The following ATG4C variants were observed in gnomAD, a reference collection of about 807,000 sequenced individuals.
ATG4C encodes the protein cysteine protease ATG4C.
Under a neutral mutation model 57.6 loss-of-function variants are expected in ATG4C, and 56 were observed. That is an observed-to-expected ratio of 0.97 (90% CI 0.78 to 1.21). The LOEUF (loss-of-function observed/expected upper bound fraction) is 1.21, where lower values mean the gene tolerates loss of function less well. Ranked by LOEUF, ATG4C falls within the 50% of genes most tolerant of loss-of-function variation. ATG4C has a pLI of 0.00. For synonymous variants in ATG4C, 157 were observed against 174.1 expected (o/e 0.90, Z 0.78); for missense variants, 595 against 529.8 (o/e 1.12, Z -1.21).
At position 62,816,639 on chromosome 1, in the gene ATG4C, T is replaced by C. The variant is rs1665281929; in HGVS notation, c.225T>C (p.Asn75=). 1 of 1,613,654 alleles carries C rather than the reference T, an allele frequency of 6.2e-7. No homozygotes were observed. Among genetic ancestry groups the C allele is most frequent in the African/African-American group, 1.3e-5 (1 of 74,888 alleles). ...CTIEDHVIAG[N]VEEFRKDFIS... ...TAGAGGATCACGTAATTGCAGGAAATGTAGAAGAATTTCGTAAAGATTTCA... is the reference window on the plus strand; with the variant it reads ...TAGAGGATCACGTAATTGCAGGAAACGTAGAAGAATTTCGTAAAGATTTCA... The change falls in exon 4 of 11, where the codon AAT becomes AAC. Residue 75 remains asparagine, a synonymous_variant. Transcript: ENST00000317868.
At chr1:62,788,490 A>G (rs1162210476) in intron 1 of ATG4C, among the ~76,000 whole-genome samples, 1 of 151,998 alleles carries the variant, frequency 6.6e-6, no homozygotes, top group East Asian at 1.9e-4. Flanking sequence ...ATTTGAAAGT[A>G]AGGTGGCAAC....
At chr1:62,834,939 C>T (rs1244052140) in intron 9 of ATG4C, 87 bp downstream of exon 9, 16 of 1,094,826 alleles carry the variant, frequency 1.5e-5, no homozygotes, top group Middle Eastern at 2.6e-4. Context: ...TATGCTTTTA[C>T]GGTATTATAA....
intron 3 of ATG4C, among the ~76,000 whole-genome samples, chr1:62,806,559 G>A (rs544082774): frequency 6.6e-6 from 1 of 151,996 alleles, no homozygotes; most frequent in Admixed American, 6.6e-5. Context: ...AAAATCAAGC[G>A]ATGAAAAGTA....
intron 1 of ATG4C, among the ~76,000 whole-genome samples, chr1:62,794,191 G>A (rs72917229): frequency 0.032 from 4,850 of 152,264 alleles, 261 homozygotes; most frequent in African/African-American, 0.11. Context: ...TGGTTATGAT[G>A]ATTACTTTGC....
At chr1:62,863,225 T>C (rs1336241838) in intron 10 of ATG4C, among the ~76,000 whole-genome samples, 1 of 152,012 alleles carries the variant, frequency 6.6e-6, no homozygotes, top group African/African-American at 2.4e-5. Flanking sequence ...GTAATGTAAC[T>C]TTAGAAGATA....
chr1:62,805,305 T>C (rs1301162523), intron 3 of ATG4C, 50 bp downstream of exon 3: 1 of 1,450,720 alleles, frequency 6.9e-7, no homozygotes, highest in South Asian at 1.5e-5. Context: ...GAAATCATCA[T>C]GTAACTTTTT....
At chr1:62,808,958 C>T (rs1281434730) in intron 3 of ATG4C, among the ~76,000 whole-genome samples, 1 of 152,084 alleles carries the variant, frequency 6.6e-6, no homozygotes, top group East Asian at 1.9e-4. Context: ...GAGGCAGTGT[C>T]TTGCTCTGTT....
At chr1:62,856,358 A>G (rs1461588327) in intron 10 of ATG4C, among the ~76,000 whole-genome samples, 1 of 152,216 alleles carries the variant, frequency 6.6e-6, no homozygotes, top group Admixed American at 6.5e-5. Flanking sequence ...GAGACATGAA[A>G]TGGAGGTTAA....
At chr1:62,789,348 A>G (rs551607460) in intron 1 of ATG4C, among the ~76,000 whole-genome samples, 1 of 152,174 alleles carries the variant, frequency 6.6e-6, no homozygotes, top group Non-Finnish European at 1.5e-5. Context: ...AGATCCTTCA[A>G]GCTGGTTCCC....
intron 10 of ATG4C, among the ~76,000 whole-genome samples, chr1:62,850,084 A>C (rs948557828): frequency 3.3e-5 from 5 of 152,182 alleles, no homozygotes; most frequent in Non-Finnish European, 7.3e-5. Context: ...ATGGTACTGA[A>C]GTAAATTATA....
At chr1:62,803,639 C>A (rs1028689848) in intron 1 of ATG4C, 80 bp from the exon 2 acceptor site, 4 of 422,798 alleles carry the variant, frequency 9.5e-6, no homozygotes, top group Non-Finnish European at 1.7e-5. Flanking sequence ...TGTATTTAAT[C>A]ACTTAAGTAA....
At chr1:62,816,014 G>T (rs1048168111) in intron 3 of ATG4C, among the ~76,000 whole-genome samples, 2 of 151,962 alleles carry the variant, frequency 1.3e-5, no homozygotes, top group Non-Finnish European at 2.9e-5. Context: ...CTCCCAAAGT[G>T]CTGGGGATTA....
At chr1:62,810,682 G>C (rs1179802261) in intron 3 of ATG4C, among the ~76,000 whole-genome samples, 3 of 151,104 alleles carry the variant, frequency 2.0e-5, no homozygotes, top group African/African-American at 7.3e-5. Flanking sequence ...GTATCAGATA[G>C]GAAGCTAGCA....
intron 1 of ATG4C, among the ~76,000 whole-genome samples, chr1:62,790,759 T>A (rs1177058551): frequency 6.6e-6 from 1 of 152,288 alleles, no homozygotes; most frequent in East Asian, 1.9e-4. Context: ...TGTAGCTCTA[T>A]TTTTTCAGTT....
chr1:62,863,912 C>CT (rs1666925949), intron 10 of ATG4C, 80 bp from the exon 11 acceptor site: 1 of 1,035,060 alleles, frequency 9.7e-7, no homozygotes, highest in Admixed American at 2.9e-5. Flanking sequence ...AGGTTCAGGG[C>CT]TAAAACAGTA....
intron 4 of ATG4C, among the ~76,000 whole-genome samples, chr1:62,817,455 C>T (rs1371404704): frequency 6.6e-6 from 1 of 151,658 alleles, no homozygotes; most frequent in African/African-American, 2.4e-5. Flanking sequence ...AAGCTATTCT[C>T]CTGCCTCAGC....
intron 7 of ATG4C, 39 bp from the exon 8 acceptor site, chr1:62,833,999 T>A (rs572161690): frequency 1.3e-6 from 2 of 1,561,042 alleles, no homozygotes; most frequent in East Asian, 4.5e-5. Context: ...TAATTACCAC[T>A]TGCCTCTTGA....
chr1:62,846,487 T>G (rs1666328643), intron 10 of ATG4C, among the ~76,000 whole-genome samples: 1 of 152,158 alleles, frequency 6.6e-6, no homozygotes, highest in African/African-American at 2.4e-5. Context: ...AGCCCAAAAT[T>G]GTTTTCCAAA....
chr1:62,784,236 C>T lies in ATG4C; in HGVS notation c.-106C>T, dbSNP rs1394176510. On this transcript the variant is annotated 5_prime_UTR_variant, in exon 1 of 11. Coordinates refer to ENST00000317868, the MANE Select transcript of ATG4C (RefSeq NM_032852.4). ...TGGAGCATTTGCCGGGTTGGTGGCT[C>T]CTGCACATTTTTACAGTTCTCCAGT... The T allele has an allele frequency of 6.5e-6, 1 of 152,890 alleles. No individual in the cohort carries two copies. Among genetic ancestry groups the T allele is most frequent in the Non-Finnish European group, 1.5e-5 (1 of 68,426 alleles). 9.5% of individuals were successfully genotyped at this position (152,890 alleles called of 1,614,324 possible). A position where few individuals can be genotyped will look rare whatever the true frequency, so the allele number is the denominator to read the frequency against.
Sources: gnomAD v4.1 joint callset for allele counts (sites outside exome capture counted in the v4.1 genomes callset) on GRCh38, gnomAD v4.1.1 for gene constraint, MANE v1.5 for transcripts, NCBI Gene and HGNC (gene_info 2026-07-23, HGNC 2026-07-21) for gene names.